Variants in FERMT2 observed in about 807,000 individuals in gnomAD.
The protein encoded by FERMT2 is FERM domain containing kindlin 2.
Under a neutral mutation model 82.7 loss-of-function variants are expected in FERMT2, and 15 were observed. The ratio of observed to expected loss-of-function variants is 0.18; its 90% CI spans 0.12 to 0.28. The LOEUF (loss-of-function observed/expected upper bound fraction) is 0.28, where lower values mean the gene tolerates loss of function less well. FERMT2 is among the 10% of genes least tolerant of loss of function. The pLI, the probability that FERMT2 is intolerant of heterozygous loss-of-function variation, is 1.00. For missense variants in FERMT2, 645 were observed against 809.4 expected (o/e 0.80, Z 2.46); for synonymous variants, 274 against 271.5 (o/e 1.01, Z -0.09).
chr14:52,890,415 G>A (rs867417028), intron 4 of FERMT2, among the ~76,000 whole-genome samples: 43 of 76,012 alleles, frequency 5.7e-4, no homozygotes, highest in African/African-American at 1.2e-3. Flanking sequence ...ACTGCACTCC[G>A]GCCTGGGCGA....
intron 2 of FERMT2, among the ~76,000 whole-genome samples, chr14:52,939,604 C>A (rs959594499): frequency 1.3e-5 from 2 of 151,938 alleles, no homozygotes; most frequent in East Asian, 3.9e-4. Flanking sequence ...TGTTATTATC[C>A]CCATTTTCCA....
Position 52,910,669 on chromosome 14 carries a change from TA to T in FERMT2, c.391+8453del, listed in dbSNP as rs1888264388. ...CAAGAGTTAAATTATAAAAGAAAGA[TA>T]ATTTTTACCAAATAAAAAGCTTGGA... On this transcript the variant is annotated intron_variant, in intron 3 of 14. Coordinates refer to ENST00000341590, the MANE Select transcript of FERMT2 (RefSeq NM_006832.3). Among the ~76,000 whole-genome samples, 3 of 152,298 alleles carry T rather than the reference TA, an allele frequency of 2.0e-5. No individual in the cohort carries two copies. In the South Asian group the frequency reaches 6.2e-4, roughly 32 times the overall value.
At chr14:52,867,663 C>T (rs771540318) in intron 10 of FERMT2, among the ~76,000 whole-genome samples, 1 of 152,150 alleles carries the variant, frequency 6.6e-6, no homozygotes, top group Admixed American at 6.6e-5. Flanking sequence ...CTCCCCTAAT[C>T]CAATGTCTAC....
chr14:52,880,076 A>G (rs1446001352), intron 6 of FERMT2, among the ~76,000 whole-genome samples: 2 of 152,116 alleles, frequency 1.3e-5, no homozygotes, highest in Non-Finnish European at 2.9e-5. Flanking sequence ...AGCTTGGGTG[A>G]AATAGTGAGA....
At chr14:52,909,366 G>T (rs1307031554) in intron 3 of FERMT2, among the ~76,000 whole-genome samples, 1 of 152,214 alleles carries the variant, frequency 6.6e-6, no homozygotes, top group African/African-American at 2.4e-5. Context: ...GTGAGGAACT[G>T]AGGGATGGAA....
At chr14:52,921,103 C>T (rs1310826688) in intron 2 of FERMT2, among the ~76,000 whole-genome samples, 1 of 152,090 alleles carries the variant, frequency 6.6e-6, no homozygotes, top group African/African-American at 2.4e-5. Context: ...GAAACACACA[C>T]ACACATAACT....
intron 4 of FERMT2, among the ~76,000 whole-genome samples, chr14:52,890,444 G>GAA (rs1239140523): frequency 1.2e-4 from 13 of 104,366 alleles, no homozygotes; most frequent in African/African-American, 2.5e-4. Flanking sequence ...CACTCCGTCT[G>GAA]AAAAAAAAAA....
chr14:52,914,653 C>G (rs1453890479), intron 3 of FERMT2, among the ~76,000 whole-genome samples: 1 of 152,094 alleles, frequency 6.6e-6, no homozygotes, highest in Admixed American at 6.5e-5. Flanking sequence ...GGCATGGTGG[C>G]TCATGCCTGC....
intron 10 of FERMT2, among the ~76,000 whole-genome samples, chr14:52,867,421 A>T (rs1429778489): frequency 6.6e-6 from 1 of 152,134 alleles, no homozygotes; most frequent in Non-Finnish European, 1.5e-5. Flanking sequence ...CTTTTGAAAC[A>T]ACTTTTATCT....
intron 3 of FERMT2, among the ~76,000 whole-genome samples, chr14:52,895,869 GAAGC>G (rs1399936254): frequency 6.6e-6 from 1 of 152,196 alleles, no homozygotes; most frequent in Non-Finnish European, 1.5e-5. Flanking sequence ...GCAGAAAGGA[GAAGC>G]AATAGGTCTA....
At chr14:52,933,601 T>C (rs1165722778) in intron 2 of FERMT2, among the ~76,000 whole-genome samples, 1 of 150,234 alleles carries the variant, frequency 6.7e-6, no homozygotes, top group South Asian at 2.1e-4. Context: ...TCCCAGCTAC[T>C]TGGGAGGCTG....
intron 3 of FERMT2, among the ~76,000 whole-genome samples, chr14:52,899,241 T>C (rs1887476059): frequency 6.6e-6 from 1 of 152,024 alleles, no homozygotes; most frequent in Non-Finnish European, 1.5e-5. Context: ...CTCTAGCGGC[T>C]TGTTTTATAT....
At chr14:52,944,536 T>C (rs904758563) in intron 2 of FERMT2, among the ~76,000 whole-genome samples, 1 of 152,216 alleles carries the variant, frequency 6.6e-6, no homozygotes, top group African/African-American at 2.4e-5. Context: ...CTAATCCTAG[T>C]GTTTAAAGTA....
intron 3 of FERMT2, among the ~76,000 whole-genome samples, chr14:52,900,175 G>A (rs965097803): frequency 1.3e-5 from 2 of 151,528 alleles, no homozygotes; most frequent in Admixed American, 1.3e-4. Context: ...GTGTTAGTGT[G>A]CTCACAGGTC....
chr14:52,921,070 A>G (rs1469774017), intron 2 of FERMT2, among the ~76,000 whole-genome samples: 1 of 152,216 alleles, frequency 6.6e-6, no homozygotes, highest in Non-Finnish European at 1.5e-5. Context: ...AGACATTTAA[A>G]AGTATGTATT....
At chr14:52,893,472 A>G (rs770492797) in intron 3 of FERMT2, 45 bp from the exon 4 acceptor site, 1 of 1,378,568 alleles carries the variant, frequency 7.3e-7, no homozygotes, top group Non-Finnish European at 1.0e-6. Flanking sequence ...GGAAAATTTA[A>G]ACATTTTACA....
intron 3 of FERMT2, among the ~76,000 whole-genome samples, chr14:52,907,688 G>C (rs1888095056): frequency 6.6e-6 from 1 of 151,828 alleles, no homozygotes; most frequent in Admixed American, 6.6e-5. Context: ...GTAAACCCTA[G>C]AGCAACCATT....
chr14:52,925,202 G>C (rs978472776), intron 2 of FERMT2, among the ~76,000 whole-genome samples: 2 of 152,068 alleles, frequency 1.3e-5, no homozygotes, highest in African/African-American at 4.8e-5. Context: ...AAAAATGATG[G>C]TACACCAACT....
intron 9 of FERMT2, among the ~76,000 whole-genome samples, chr14:52,873,420 C>G (rs1165964115): frequency 6.6e-6 from 1 of 152,120 alleles, no homozygotes; most frequent in African/African-American, 2.4e-5. Flanking sequence ...TAACTTGCCA[C>G]TCCAATATCA....
Sources: allele counts gnomAD v4.1 joint callset (sites outside exome capture counted in the v4.1 genomes callset), GRCh38; gene constraint gnomAD v4.1.1; transcripts MANE v1.5; gene names NCBI Gene and HGNC (gene_info 2026-07-23, HGNC 2026-07-21).